Variants in PAPPA2 observed in about 807,000 individuals in gnomAD.
PAPPA2 encodes pappalysin 2.
Under a neutral mutation model 176.4 loss-of-function variants are expected in PAPPA2, and 86 were observed. That is an observed-to-expected ratio of 0.49 (90% CI 0.41 to 0.58). The LOEUF (loss-of-function observed/expected upper bound fraction) is 0.58. PAPPA2 is among the 20% of genes least tolerant of loss of function. PAPPA2 has a pLI of 0.00. For synonymous variants in PAPPA2, 809 were observed against 852.2 expected, an observed-to-expected ratio of 0.95 and a Z score of 0.88; for missense variants, 2,073 against 2,256.9, an observed-to-expected ratio of 0.92 and a Z score of 1.65.
intron 1 of PAPPA2, among the ~76,000 whole-genome samples, chr1:176,487,950 C>T (rs1652718822): frequency 6.6e-6 from 1 of 152,112 alleles, no homozygotes; most frequent in Non-Finnish European, 1.5e-5. Context: ...ATGTGGAAAT[C>T]CTACCTGGGA....
intron 11 of PAPPA2, among the ~76,000 whole-genome samples, chr1:176,710,780 C>A (rs374784794): frequency 4.6e-5 from 7 of 152,144 alleles, no homozygotes; most frequent in African/African-American, 1.7e-4. Flanking sequence ...TATTTCAGGC[C>A]AGAATGAAAT....
chr1:176,519,815 C>G (rs974415324), intron 1 of PAPPA2, among the ~76,000 whole-genome samples: 1 of 152,116 alleles, frequency 6.6e-6, no homozygotes, highest in Non-Finnish European at 1.5e-5. Flanking sequence ...CTTAACCAGA[C>G]AGTGAAGTTG....
At chr1:176,512,856 C>G (rs1167530400) in intron 1 of PAPPA2, among the ~76,000 whole-genome samples, 1 of 152,012 alleles carries the variant, frequency 6.6e-6, no homozygotes, top group Non-Finnish European at 1.5e-5. Flanking sequence ...TTAAAAAAAG[C>G]AATGTAAGAG....
intron 5 of PAPPA2, chr1:176,690,688 TAAA>T: frequency 7.9e-7 from 1 of 1,267,698 alleles, no homozygotes; most frequent in Non-Finnish European, 9.9e-7. Flanking sequence ...TCCTCGATAG[TAAA>T]AAAGGCACAG....
chr1:176,584,519 G>C (rs937348038), intron 2 of PAPPA2, among the ~76,000 whole-genome samples: 6 of 151,682 alleles, frequency 4.0e-5, no homozygotes, highest in Non-Finnish European at 5.9e-5. Context: ...GTCTATGTGT[G>C]TCTTTACAGG....
chr1:176,785,301 G>T (rs978096446), intron 17 of PAPPA2, among the ~76,000 whole-genome samples: 2 of 152,090 alleles, frequency 1.3e-5, no homozygotes, highest in Non-Finnish European at 2.9e-5. Flanking sequence ...TGAACATCAG[G>T]CAAAATGAGA....
chr1:176,833,199 G>A (rs535144120), intron 21 of PAPPA2, among the ~76,000 whole-genome samples: 60 of 152,242 alleles, frequency 3.9e-4, no homozygotes, highest in Admixed American at 2.7e-3. Context: ...ACTGTTAGCC[G>A]AAAACACAGA....
chr1:176,512,814 G>A (rs1459301356), intron 1 of PAPPA2, among the ~76,000 whole-genome samples: 3 of 151,934 alleles, frequency 2.0e-5, no homozygotes, highest in Non-Finnish European at 2.9e-5. Flanking sequence ...AAAACATTTT[G>A]AGCCCTTTAC....
At position 176,693,887 on chromosome 1, in the gene PAPPA2, C is replaced by T. The variant is rs560308871; in HGVS notation, c.2624+1569C>T. ...TGTGTGCAAACCAGAGTTTTACATC[C>T]GTTTATGTAACACATGTAAACAATT... On this transcript the variant is annotated intron_variant, in intron 6 of 22. Coordinates refer to ENST00000367662, the MANE Select transcript of PAPPA2 (RefSeq NM_020318.3). Among the ~76,000 whole-genome samples the T allele has an allele frequency of 3.9e-5, 6 of 152,166 alleles. No homozygotes were observed. The East Asian group carries it at 7.7e-4, about 20-fold the overall frequency.
At chr1:176,678,470 C>T (rs1484002262) in intron 4 of PAPPA2, among the ~76,000 whole-genome samples, 1 of 147,914 alleles carries the variant, frequency 6.8e-6, no homozygotes, top group Admixed American at 6.8e-5. Flanking sequence ...TTTTATTGTT[C>T]TTGCCAAATC....
At chr1:176,604,363 ACT>A (rs1654497033) in intron 3 of PAPPA2, among the ~76,000 whole-genome samples, 1 of 152,176 alleles carries the variant, frequency 6.6e-6, no homozygotes, top group South Asian at 2.1e-4. Flanking sequence ...CGTTTGGGCG[ACT>A]CTCATACTAT....
intron 7 of PAPPA2, 72 bp from the exon 8 acceptor site, chr1:176,699,028 C>T (rs1660515557): frequency 1.3e-6 from 2 of 1,495,976 alleles, no homozygotes; most frequent in African/African-American, 2.8e-5. Flanking sequence ...CTCTTTCTGG[C>T]TGCTAAGGGC....
chr1:176,549,806 A>G (rs892260377), intron 1 of PAPPA2, among the ~76,000 whole-genome samples: 20 of 152,206 alleles, frequency 1.3e-4, no homozygotes, highest in Admixed American at 7.9e-4. Flanking sequence ...TGCAAAATTA[A>G]AAGACCCTAG....
chr1:176,565,969 C>G (rs1469790976), intron 2 of PAPPA2, among the ~76,000 whole-genome samples: 1 of 152,150 alleles, frequency 6.6e-6, no homozygotes, highest in Non-Finnish European at 1.5e-5. Context: ...AAGTGTATTA[C>G]TTGCTATTAC....
chr1:176,560,483 G>A (rs752394280), intron 2 of PAPPA2, among the ~76,000 whole-genome samples: 4 of 152,164 alleles, frequency 2.6e-5, no homozygotes, highest in Admixed American at 6.5e-5. Flanking sequence ...TTCCCATAGC[G>A]GAGACAGAAC....
intron 21 of PAPPA2, among the ~76,000 whole-genome samples, chr1:176,829,366 C>G (rs12141787): frequency 6.6e-6 from 1 of 152,174 alleles, no homozygotes; most frequent in Non-Finnish European, 1.5e-5. Context: ...ACGGTCGTTT[C>G]CTCCCACAGT....
intron 3 of PAPPA2, among the ~76,000 whole-genome samples, chr1:176,651,686 C>A (rs182509815): frequency 6.6e-6 from 1 of 151,562 alleles, no homozygotes. Context: ...GAAAAGTTTT[C>A]TTTAGAAAGT....
At chr1:176,615,809 A>C (rs1250119805) in intron 3 of PAPPA2, among the ~76,000 whole-genome samples, 1 of 152,208 alleles carries the variant, frequency 6.6e-6, no homozygotes, top group East Asian at 1.9e-4. Flanking sequence ...CAATGTTTGA[A>C]ATGACTGAAG....
intron 7 of PAPPA2, among the ~76,000 whole-genome samples, chr1:176,698,447 T>C (rs551996574): frequency 1.1e-3 from 172 of 152,326 alleles, no homozygotes; most frequent in Middle Eastern, 3.4e-3. Context: ...CTGACTTTCA[T>C]AGATTCGTGA....
Sources: gnomAD v4.1 joint callset for allele counts (sites outside exome capture counted in the v4.1 genomes callset) on GRCh38, gnomAD v4.1.1 for gene constraint, MANE v1.5 for transcripts, NCBI Gene and HGNC (gene_info 2026-07-23, HGNC 2026-07-21) for gene names.